ASTN1: variants seen among roughly 807,000 people sequenced by gnomAD.
The protein encoded by ASTN1 is astrotactin-1.
Under a neutral mutation model 140.7 loss-of-function variants are expected in ASTN1, and 41 were observed. The observed-to-expected ratio is 0.29, with a 90% confidence interval of 0.23 to 0.38. ASTN1 has a LOEUF of 0.38. Among genes scored for constraint, ASTN1 ranks in the 10% least tolerant of loss-of-function variants. The pLI is 1.00. For synonymous variants in ASTN1, 640 were observed against 652.2 expected (o/e 0.98, Z 0.29); for missense variants, 1,479 against 1,678.8 (o/e 0.88, Z 2.08).
In ASTN1 at chr1:176,879,574, C is replaced by T. The variant is rs6695919; in HGVS notation, c.3363-2937G>A. ...CTCAGTCAATCCCCACCTCTCCCCCCGCCCCCAAGCTGGCCCAAGCTCTGC... is the reference window on the plus strand; with the variant it reads ...CTCAGTCAATCCCCACCTCTCCCCCTGCCCCCAAGCTGGCCCAAGCTCTGC... On this transcript the variant is annotated intron_variant, in intron 20 of 22. Coordinates refer to ENST00000361833, the MANE Select transcript of ASTN1 (RefSeq NM_004319.3). Among the ~76,000 whole-genome samples the T allele has an allele frequency of 1.5e-3, 232 of 152,256 alleles. 1 individual carries two copies. Among genetic ancestry groups the T allele is most frequent in the African/African-American group, 5.3e-3 (219 of 41,552 alleles).
chr1:176,886,525 A>G (rs146482318), intron 18 of ASTN1, among the ~76,000 whole-genome samples: 3 of 152,374 alleles, frequency 2.0e-5, no homozygotes, highest in East Asian at 1.9e-4. Context: ...AAGAAGTCCA[A>G]TCATGACTAT....
At chr1:176,943,101 A>C (rs1269441718) in intron 14 of ASTN1, among the ~76,000 whole-genome samples, 1 of 151,760 alleles carries the variant, frequency 6.6e-6, no homozygotes, top group East Asian at 2.0e-4. Flanking sequence ...CGTACAAAGC[A>C]ATCAGTGGAA....
intron 16 of ASTN1, among the ~76,000 whole-genome samples, chr1:176,901,938 A>G (rs1669783804): frequency 6.6e-6 from 1 of 152,230 alleles, no homozygotes; most frequent in Non-Finnish European, 1.5e-5. Flanking sequence ...TTGTTCCAAA[A>G]TTAAGGTTAC....
intron 1 of ASTN1, among the ~76,000 whole-genome samples, chr1:177,075,607 T>TTCTA (rs1678856942): frequency 6.6e-6 from 1 of 150,568 alleles, no homozygotes; most frequent in South Asian, 2.2e-4. Context: ...GCAACATTTT[T>TTCTA]TCTTTCTTTC....
intron 1 of ASTN1, among the ~76,000 whole-genome samples, chr1:177,156,356 G>A (rs913426278): frequency 6.6e-6 from 1 of 151,284 alleles, no homozygotes; most frequent in African/African-American, 2.4e-5. Flanking sequence ...TAATATGCAA[G>A]ATGACCCTGG....
intron 16 of ASTN1, among the ~76,000 whole-genome samples, chr1:176,911,091 T>C (rs1396845921): frequency 6.6e-6 from 1 of 152,232 alleles, no homozygotes; most frequent in Non-Finnish European, 1.5e-5. Flanking sequence ...TACTGAATTC[T>C]GTAGGCAATT....
chr1:177,028,913 C>T (rs966886300), intron 5 of ASTN1, among the ~76,000 whole-genome samples: 4 of 152,156 alleles, frequency 2.6e-5, no homozygotes, highest in East Asian at 1.9e-4. Flanking sequence ...AGCTGACCGG[C>T]GCTTGTGCTC....
chr1:177,045,032 G>T (rs944083114), intron 2 of ASTN1, among the ~76,000 whole-genome samples: 7 of 152,014 alleles, frequency 4.6e-5, no homozygotes, highest in African/African-American at 1.7e-4. Flanking sequence ...CTGAACCTTT[G>T]TTCTCTCATT....
rs151318188 is a variant in ASTN1 at position 177,052,936 on chromosome 1, A to G, written c.471+8142T>C. 1.8e-3 allele frequency among the ~76,000 whole-genome samples: 275 copies of G among 152,338 alleles called. 1 individual carries two copies. The highest frequency in any genetic ancestry group is 6.2e-3 in the African/African-American group (258 of 41,594). Reference sequence around the variant, plus strand: ...ATCCTGGCTTCCTTTCTTACAGCCTATGTGACTTTGGGCCTATAATTTACT... The same window carrying G: ...ATCCTGGCTTCCTTTCTTACAGCCTGTGTGACTTTGGGCCTATAATTTACT... On this transcript the variant is annotated intron_variant, in intron 2 of 22. Transcript: ENST00000361833.
intron 1 of ASTN1, among the ~76,000 whole-genome samples, chr1:177,149,577 A>G (rs1299902633): frequency 1.1e-5 from 1 of 88,644 alleles, no homozygotes; most frequent in African/African-American, 6.2e-5. Context: ...CACTGTATAT[A>G]TATAGTAAAT....
At chr1:176,870,238 T>A (rs1017374227) in intron 21 of ASTN1, among the ~76,000 whole-genome samples, 3 of 152,240 alleles carry the variant, frequency 2.0e-5, no homozygotes, top group Admixed American at 6.5e-5. Context: ...TTGGATGCAG[T>A]GTTAATTCTG....
At chr1:177,069,673 T>A (rs1678541220) in intron 1 of ASTN1, among the ~76,000 whole-genome samples, 1 of 152,084 alleles carries the variant, frequency 6.6e-6, no homozygotes, top group African/African-American at 2.4e-5. Context: ...ATGAAAACAT[T>A]CCTGTGGGGG....
chr1:176,919,634 C>T (rs1003811802), intron 16 of ASTN1, among the ~76,000 whole-genome samples: 1 of 152,190 alleles, frequency 6.6e-6, no homozygotes, highest in Non-Finnish European at 1.5e-5. Context: ...AGAGTCCCTG[C>T]TCTCTAAGGG....
At chr1:177,043,546 T>C (rs1347264434) in intron 2 of ASTN1, among the ~76,000 whole-genome samples, 1 of 152,236 alleles carries the variant, frequency 6.6e-6, no homozygotes, top group Non-Finnish European at 1.5e-5. Context: ...TTCCTCCAAC[T>C]GGTAACTGAT....
At chr1:177,084,176 A>G (rs935576317) in intron 1 of ASTN1, among the ~76,000 whole-genome samples, 7 of 152,194 alleles carry the variant, frequency 4.6e-5, no homozygotes, top group Non-Finnish European at 8.8e-5. Context: ...TCTCAGAGCC[A>G]TACTTCCAAA....
At chr1:177,093,443 C>A (rs978139820) in intron 1 of ASTN1, among the ~76,000 whole-genome samples, 1 of 152,192 alleles carries the variant, frequency 6.6e-6, no homozygotes, top group Non-Finnish European at 1.5e-5. Context: ...GTCTATTACC[C>A]ATTCCTCTAA....
intron 1 of ASTN1, among the ~76,000 whole-genome samples, chr1:177,157,523 A>C (rs530232): frequency 0.81 from 123,258 of 151,974 alleles, 50,880 homozygotes; most frequent in African/African-American, 0.96. Flanking sequence ...TCATGTTGCC[A>C]AGGCCTGTCT....
At chr1:176,897,445 A>T (rs1467608624) in intron 16 of ASTN1, among the ~76,000 whole-genome samples, 1 of 152,096 alleles carries the variant, frequency 6.6e-6, no homozygotes, top group Non-Finnish European at 1.5e-5. Context: ...CCTTCTAATT[A>T]TACGCATTTC....
chr1:177,074,715 T>G (rs1034462513), intron 1 of ASTN1, among the ~76,000 whole-genome samples: 3 of 152,240 alleles, frequency 2.0e-5, no homozygotes, highest in African/African-American at 7.2e-5. Context: ...CAATTCTTCA[T>G]GATGCACGTA....
Sources: gnomAD v4.1 joint callset for allele counts (sites outside exome capture counted in the v4.1 genomes callset) on GRCh38, gnomAD v4.1.1 for gene constraint, MANE v1.5 for transcripts, NCBI Gene and HGNC (gene_info 2026-07-23, HGNC 2026-07-21) for gene names.